EFHC1: variants seen among roughly 807,000 people sequenced by gnomAD.
EFHC1 encodes the protein EF-hand domain-containing protein 1.
In EFHC1, 53 loss-of-function variants were observed where a neutral mutation model predicts 69.9. That is an observed-to-expected ratio of 0.76 (90% CI 0.61 to 0.95). The LOEUF (loss-of-function observed/expected upper bound fraction) is 0.95, where lower values mean the gene tolerates loss of function less well. Ranked by LOEUF, EFHC1 falls within the 40% of genes least tolerant of loss-of-function variation. The probability of loss-of-function intolerance (pLI) is 0.00; values close to 1 mark genes in which losing one functional copy is unlikely to be tolerated. For synonymous variants in EFHC1, 256 were observed against 278.4 expected (o/e 0.92, Z 0.80); for missense variants, 739 against 798.7 (o/e 0.93, Z 0.90).
chr6:52,483,307 T>C (rs1765718915), intron 9 of EFHC1: 1 of 152,966 alleles, frequency 6.5e-6, no homozygotes, highest in South Asian at 2.1e-4. Context: ...AGAAATGCCA[T>C]CATATCAAGG....
rs773598517 is a variant in EFHC1 at position 52,424,007 on chromosome 6, G to C, written c.125G>C (p.Arg42Pro). Residue 42 changes from arginine to proline, a missense_variant, in exon 2 of 11, where the codon CGT becomes CCT. By Grantham distance (103) the Arg-to-Pro change is moderately radical (BLOSUM62 -2). Coordinates refer to ENST00000371068, the MANE Select transcript of EFHC1 (RefSeq NM_018100.4). Reference protein sequence around the residue: ...SYRNGYAIVRRPTVGIGGDRL... With the variant: ...SYRNGYAIVRPPTVGIGGDRL... ...AGGAACGGCTATGCAATTGTTCGAC[G>C]TCCAACAGTTGGGATAGGCGGAGAC... 1.6e-5 allele frequency: 26 copies of C among 1,614,040 alleles called. No homozygotes were observed. The highest frequency in any genetic ancestry group is 3.3e-4 in the Middle Eastern group (2 of 6,062).
intron 9 of EFHC1, chr6:52,485,933 G>T (rs1030624991): frequency 1.3e-5 from 2 of 152,088 alleles, no homozygotes; most frequent in Non-Finnish European, 2.9e-5. Context: ...TCCTCATTTT[G>T]ATCCTCACCC....
Position 52,494,595 on chromosome 6 carries a change from T to C in EFHC1, c.*2254T>C. The C allele has an allele frequency of 2.2e-6, 1 of 454,134 alleles. No individual in the cohort carries two copies. The highest frequency in any genetic ancestry group is 1.6e-5 in the South Asian group (1 of 64,476). 28.1% of individuals were successfully genotyped at this position (454,134 alleles called of 1,614,324 possible). On this transcript the variant is annotated 3_prime_UTR_variant, in exon 11 of 11. Transcript: ENST00000371068. ...TCCCAGAGCACCTTTTCTCTCTTTT[T>C]GGATTCAGGGGGTACATGTGCAGGT...
intron 6 of EFHC1, 127 bp from the exon 7 acceptor site, chr6:52,469,206 T>TAAACAA (rs1765379279): frequency 7.3e-6 from 9 of 1,236,868 alleles, no homozygotes; most frequent in Non-Finnish European, 9.1e-6. Flanking sequence ...TGACTATATT[T>TAAACAA]GTTTATGTAG....
At chr6:52,469,075 A>G (rs1376937859) in intron 6 of EFHC1, 1 of 479,984 alleles carries the variant, frequency 2.1e-6, no homozygotes, top group Non-Finnish European at 3.7e-6. Flanking sequence ...GTCAGTGGAC[A>G]TCAGCAATAG....
chr6:52,440,980 G>C (rs931960353), intron 3 of EFHC1, among the ~76,000 whole-genome samples: 1 of 151,726 alleles, frequency 6.6e-6, no homozygotes, highest in East Asian at 1.9e-4. Flanking sequence ...TTTTAATGGG[G>C]TTCTTTGCTT....
In EFHC1 at chr6:52,495,307, C is replaced by T. The variant is rs746268736; in HGVS notation, c.*2966C>T. 6 of 454,102 alleles carry T rather than the reference C, an allele frequency of 1.3e-5. No homozygotes were observed. The highest frequency in any genetic ancestry group is 9.3e-5 in the South Asian group (6 of 64,478). The allele number at this position is 454,102 out of a possible 1,614,324, so 28.1% of individuals were successfully genotyped here. ...CCAGGGGACAGACACATGTCAAACC[C>T]TGAGTCTTTTAAAGTATACCCTCAC... On this transcript the variant is annotated 3_prime_UTR_variant, in exon 11 of 11. Coordinates refer to ENST00000371068, the MANE Select transcript of EFHC1 (RefSeq NM_018100.4).
At chr6:52,425,698 G>A (rs1185645301) in intron 2 of EFHC1, among the ~76,000 whole-genome samples, 1 of 152,154 alleles carries the variant, frequency 6.6e-6, no homozygotes, top group African/African-American at 2.4e-5. Flanking sequence ...TAATGGGGTA[G>A]AGAGAAGCTA....
chr6:52,495,351 G>A lies in EFHC1; in HGVS notation c.*3010G>A, dbSNP rs1446062910. On this transcript the variant is annotated 3_prime_UTR_variant, in exon 11 of 11. Coordinates refer to ENST00000371068, the MANE Select transcript of EFHC1 (RefSeq NM_018100.4). Reference sequence around the variant, plus strand: ...CCCTCACTTAGCTTGCAGACCCAAGGCACTCCAGCCCCTTTCAAGAAGCTT... The same window carrying A: ...CCCTCACTTAGCTTGCAGACCCAAGACACTCCAGCCCCTTTCAAGAAGCTT... 1 of 453,926 alleles carries A rather than the reference G, an allele frequency of 2.2e-6. No individual in the cohort carries two copies. Among genetic ancestry groups the A allele is most frequent in the African/African-American group, 2.0e-5 (1 of 49,974 alleles). The allele number at this position is 453,926 out of a possible 1,614,324, so 28.1% of individuals were successfully genotyped here. A position where few individuals can be genotyped will look rare whatever the true frequency, so the allele number is the denominator to read the frequency against.
chr6:52,469,104 A>C, intron 6 of EFHC1: 3 of 546,070 alleles, frequency 5.5e-6, no homozygotes, highest in Non-Finnish European at 9.6e-6. Context: ...TAGCCCTGAG[A>C]GTTACTTTAG....
At position 52,438,483 on chromosome 6, in the gene EFHC1, C is replaced by A. The variant is rs1251609115; in HGVS notation, c.465C>A (p.Ala155=). 1 of 1,613,888 alleles carries A rather than the reference C, an allele frequency of 6.2e-7. No individual in the cohort carries two copies. Among genetic ancestry groups the A allele is most frequent in the South Asian group, 1.1e-5 (1 of 91,086 alleles). Reference sequence around the variant, plus strand: ...AGTTAATAAAACGCCAGCGGCTAGCCAAGAATGACCGGGGTGACCATTACC... The same window carrying A: ...AGTTAATAAAACGCCAGCGGCTAGCAAAGAATGACCGGGGTGACCATTACC... ...QGKLIKRQRL[A]KNDRGDHYHW... Residue 155 remains alanine (A), a synonymous_variant, in exon 3 of 11, where the codon GCC becomes GCA. Coordinates refer to ENST00000371068, the MANE Select transcript of EFHC1 (RefSeq NM_018100.4).
intron 9 of EFHC1, among the ~76,000 whole-genome samples, chr6:52,480,919 T>TA (rs150234771): frequency 0.048 from 7,259 of 152,218 alleles, 239 homozygotes; most frequent in East Asian, 0.074. Flanking sequence ...TTTGGAAAGG[T>TA]GCTGGCTTTT....
At chr6:52,420,976 T>G (rs1040851604) in intron 1 of EFHC1, 2 of 1,046,360 alleles carry the variant, frequency 1.9e-6, no homozygotes, top group African/African-American at 3.4e-5. Context: ...CACCTCTTCC[T>G]CTTCTGAATC....
chr6:52,425,779 G>A (rs1764288259), intron 2 of EFHC1, among the ~76,000 whole-genome samples: 1 of 152,100 alleles, frequency 6.6e-6, no homozygotes, highest in African/African-American at 2.4e-5. Context: ...ATTAAATGAA[G>A]GTTCTAATTT....
At position 52,494,444 on chromosome 6, in the gene EFHC1, G is replaced by A. The variant is rs955743117; in HGVS notation, c.*2103G>A. On this transcript the variant is annotated 3_prime_UTR_variant, in exon 11 of 11. Coordinates refer to ENST00000371068, the MANE Select transcript of EFHC1 (RefSeq NM_018100.4). ...AGCCATGCTGCTGTTTCTAGCCCATGTAGGCTCTGGGAAAGGTTAAGCGGG... is the reference window on the plus strand; with the variant it reads ...AGCCATGCTGCTGTTTCTAGCCCATATAGGCTCTGGGAAAGGTTAAGCGGG... 8.8e-6 allele frequency: 4 copies of A among 454,026 alleles called. No homozygotes were observed. The highest frequency in any genetic ancestry group is 3.1e-5 in the South Asian group (2 of 64,480). The allele number at this position is 454,026 out of a possible 1,614,324, so 28.1% of individuals were successfully genotyped here. A position where few individuals can be genotyped will look rare whatever the true frequency, so the allele number is the denominator to read the frequency against.
intron 5 of EFHC1, among the ~76,000 whole-genome samples, chr6:52,457,699 A>T (rs2114000074): frequency 6.6e-6 from 1 of 152,356 alleles, no homozygotes; most frequent in East Asian, 1.9e-4. Context: ...AAAGCTTTCT[A>T]CTCAGCTCTT....
At chr6:52,445,423 A>G (rs949053087) in intron 3 of EFHC1, among the ~76,000 whole-genome samples, 1 of 151,654 alleles carries the variant, frequency 6.6e-6, no homozygotes, top group African/African-American at 2.4e-5. Context: ...AGCATTAGGT[A>G]TATCTCCCAA....
chr6:52,469,418 A>T lies in EFHC1; in HGVS notation c.1223A>T (p.Asp408Val), dbSNP rs773810917. Residue 408 changes from aspartate (D) to valine (V), a missense_variant, in exon 7 of 11, where the codon GAC becomes GTC. Physicochemically the swap from Asp to Val is radical, Grantham distance 152 (BLOSUM62 -3). Coordinates refer to ENST00000371068, the MANE Select transcript of EFHC1 (RefSeq NM_018100.4). ...CTCATTCCAAAAGCTCCAAAAAAAG[A>T]CGTTATTAAAATGCTGGTGAATGAT... ...FALIPKAPKK[D>V]VIKMLVNDNK... is the part of the protein sequence containing the mutation. The T allele has an allele frequency of 1.4e-4, 232 of 1,613,942 alleles. No individual in the cohort carries two copies. The highest frequency in any genetic ancestry group is 1.9e-4 in the Non-Finnish European group (225 of 1,179,964).
chr6:52,480,245 G>T, intron 9 of EFHC1: 1 of 257,040 alleles, frequency 3.9e-6, no homozygotes, highest in African/African-American at 2.3e-5. Flanking sequence ...TCATTAAGTG[G>T]TAGTGGATCA....
Sources: gnomAD v4.1 joint callset for allele counts (sites outside exome capture counted in the v4.1 genomes callset) on GRCh38, gnomAD v4.1.1 for gene constraint, MANE v1.5 for transcripts, NCBI Gene and HGNC (gene_info 2026-07-23, HGNC 2026-07-21) for gene names.